Variants in RAPGEF5 observed in about 807,000 individuals in gnomAD.
RAPGEF5 encodes Rap guanine nucleotide exchange factor 5, also known as M-Ras-regulated GEF.
Under a neutral mutation model 125.2 loss-of-function variants are expected in RAPGEF5, and 65 were observed. The observed-to-expected ratio is 0.52, with a 90% CI of 0.43 to 0.64. RAPGEF5 has a LOEUF of 0.64. Ranked by LOEUF, RAPGEF5 falls within the 30% of genes least tolerant of loss-of-function variation. The pLI, the probability that RAPGEF5 is intolerant of heterozygous loss-of-function variation, is 0.00. For synonymous variants in RAPGEF5, 391 were observed against 385.9 expected, an observed-to-expected ratio of 1.01 and a Z score of -0.16; for missense variants, 958 against 1,048.1, an observed-to-expected ratio of 0.91 and a Z score of 1.19.
chr7:22,299,331 T>G (rs1049282362), intron 5 of RAPGEF5, among the ~76,000 whole-genome samples: 12 of 152,170 alleles, frequency 7.9e-5, no homozygotes, highest in Admixed American at 7.8e-4. Context: ...CTTTCACCCA[T>G]GAGTTACTTC....
At chr7:22,260,530 A>AG in intron 7 of RAPGEF5, among the ~76,000 whole-genome samples, 1 of 123,398 alleles carries the variant, frequency 8.1e-6, no homozygotes, top group African/African-American at 3.3e-5. Context: ...AATTAGGACC[A>AG]GTAAAAAAAA....
At chr7:22,348,314 A>G (rs1784263634) in intron 1 of RAPGEF5, among the ~76,000 whole-genome samples, 1 of 152,272 alleles carries the variant, frequency 6.6e-6, no homozygotes, top group Non-Finnish European at 1.5e-5. Context: ...TAATTTCATT[A>G]AAAGATACTG....
intron 11 of RAPGEF5, among the ~76,000 whole-genome samples, chr7:22,182,273 CAGAA>C (rs756321042): frequency 1.3e-5 from 2 of 152,166 alleles, no homozygotes; most frequent in African/African-American, 2.4e-5. Context: ...GAGAGAAACA[CAGAA>C]AGAGAAAGAA....
chr7:22,327,956 A>G (rs890346519), intron 1 of RAPGEF5, among the ~76,000 whole-genome samples: 2 of 152,246 alleles, frequency 1.3e-5, no homozygotes, highest in Non-Finnish European at 2.9e-5. Context: ...AGCACCTGCT[A>G]TGTAACAAGT....
chr7:22,211,219 T>G (rs766533798), intron 9 of RAPGEF5, among the ~76,000 whole-genome samples: 1 of 152,248 alleles, frequency 6.6e-6, no homozygotes, highest in Non-Finnish European at 1.5e-5. Flanking sequence ...GCATCCTACA[T>G]GGACATCTTT....
Position 22,160,415 on chromosome 7 carries a change from C to G in RAPGEF5, c.1526+103G>C, listed in dbSNP as rs114305241. 2,143 of 1,115,232 alleles carry G rather than the reference C, an allele frequency of 1.9e-3. 34 individuals are homozygous for G. The African/African-American group carries it at 0.031, about 16-fold the overall frequency. 69.1% of individuals were successfully genotyped at this position (1,115,232 alleles called of 1,614,324 possible). ...CTAAGGCATCAAGATGAATCTGAGT[C>G]AAAATGTTCAAAATCAACTTTTATG... On this transcript the variant is annotated intron_variant, in intron 14 of 25. Coordinates refer to ENST00000665637, the MANE Select transcript of RAPGEF5 (RefSeq NM_012294.5).
Position 22,154,501 on chromosome 7 carries a change from C to A in RAPGEF5, c.1740G>T (p.Gln580His), listed in dbSNP as rs371583113. Reference sequence around the variant, plus strand: ...CCAGAGCCAGATCCTCTTCTGCATACTGGATCTTTTCTGCCACGACTTTTA... The same window carrying A: ...CCAGAGCCAGATCCTCTTCTGCATAATGGATCTTTTCTGCCACGACTTTTA... ...EILKVVAEKI[Q>H]YAEEDLALVA... The change falls in exon 17 of 26, where the codon CAG becomes CAT. Residue 580 changes from glutamine (Q) to histidine (H), a missense_variant. By Grantham distance (24) the Gln-to-His change is conservative. Coordinates refer to ENST00000665637, the MANE Select transcript of RAPGEF5 (RefSeq NM_012294.5). The A allele has an allele frequency of 1.9e-6, 3 of 1,613,894 alleles. No homozygotes were observed. In the South Asian group the frequency reaches 3.3e-5, roughly 18 times the overall value.
At chr7:22,300,665 C>T (rs114106670) in intron 5 of RAPGEF5, among the ~76,000 whole-genome samples, 6 of 152,096 alleles carry the variant, frequency 3.9e-5, no homozygotes, top group Non-Finnish European at 8.8e-5. Flanking sequence ...ATTAATGAAA[C>T]CCTTCCCTAG....
chr7:22,271,063 C>T (rs780450094), intron 6 of RAPGEF5, among the ~76,000 whole-genome samples: 11 of 152,142 alleles, frequency 7.2e-5, no homozygotes, highest in Non-Finnish European at 1.5e-4. Flanking sequence ...TTCCCAATTG[C>T]TATTTGGTCA....
chr7:22,330,662 A>G (rs980746574), intron 1 of RAPGEF5, among the ~76,000 whole-genome samples: 1 of 152,226 alleles, frequency 6.6e-6, no homozygotes, highest in Admixed American at 6.5e-5. Context: ...AAAACAATTC[A>G]GAAAGTAAAT....
intron 11 of RAPGEF5, among the ~76,000 whole-genome samples, chr7:22,187,657 G>A (rs1395157987): frequency 6.6e-6 from 1 of 152,186 alleles, no homozygotes; most frequent in Non-Finnish European, 1.5e-5. Context: ...TTTAATGGAA[G>A]GACTGGCAGT....
At chr7:22,265,846 C>G (rs1299246215) in intron 7 of RAPGEF5, among the ~76,000 whole-genome samples, 3 of 152,136 alleles carry the variant, frequency 2.0e-5, no homozygotes, top group Non-Finnish European at 2.9e-5. Flanking sequence ...GATGTCCTTT[C>G]TCTACATTGG....
rs183167418 is a variant in RAPGEF5, at chr7:22,293,892, C to T, written c.681-2651G>A. Among the ~76,000 whole-genome samples, 886 of 152,282 alleles carry T rather than the reference C, an allele frequency of 5.8e-3. 6 individuals carry two copies. Among genetic ancestry groups the T allele is most frequent in the Admixed American group, 0.01 (160 of 15,300 alleles). ...CCTCCTCCTCAGCTCTAGACTAAAT[C>T]GCCCAAAAATACCAGACTCTCTTTT... On this transcript the variant is annotated intron_variant, in intron 5 of 25. Transcript: ENST00000665637.
intron 6 of RAPGEF5, among the ~76,000 whole-genome samples, chr7:22,285,538 T>C (rs1053798965): frequency 5.3e-5 from 8 of 152,204 alleles, no homozygotes; most frequent in African/African-American, 1.9e-4. Context: ...CAAATTCCTG[T>C]CCAAAATAAC....
chr7:22,136,235 T>C, intron 22 of RAPGEF5, 110 bp from the exon 23 acceptor site: 1 of 746,238 alleles, frequency 1.3e-6, no homozygotes, highest in Middle Eastern at 2.4e-4. Flanking sequence ...ATAGAGAGAT[T>C]CCTCCTAAGA....
intron 7 of RAPGEF5, among the ~76,000 whole-genome samples, chr7:22,239,236 T>G (rs1344384164): frequency 6.6e-6 from 1 of 152,206 alleles, no homozygotes; most frequent in African/African-American, 2.4e-5. Context: ...CGTAATGACT[T>G]ACACAATTTT....
intron 12 of RAPGEF5, among the ~76,000 whole-genome samples, chr7:22,164,960 G>C (rs1409811373): frequency 6.6e-6 from 1 of 152,128 alleles, no homozygotes; most frequent in Non-Finnish European, 1.5e-5. Context: ...CCACTTCTAA[G>C]ACGTTGGTTG....
intron 1 of RAPGEF5, among the ~76,000 whole-genome samples, chr7:22,324,929 C>A (rs1783784494): frequency 6.6e-6 from 1 of 152,202 alleles, no homozygotes; most frequent in Non-Finnish European, 1.5e-5. Context: ...CCTTCCTTAC[C>A]TGTCTACAAA....
intron 5 of RAPGEF5, among the ~76,000 whole-genome samples, chr7:22,303,867 G>C (rs1288695117): frequency 6.6e-6 from 1 of 152,212 alleles, no homozygotes; most frequent in Admixed American, 6.5e-5. Context: ...CAGGACTGGG[G>C]CTTCCCCTTG....
Sources: gnomAD v4.1 joint callset for allele counts (sites outside exome capture counted in the v4.1 genomes callset) on GRCh38, gnomAD v4.1.1 for gene constraint, MANE v1.5 for transcripts, NCBI Gene and HGNC (gene_info 2026-07-23, HGNC 2026-07-21) for gene names.